Variants in ARHGAP40 observed in about 807,000 individuals in gnomAD.
The protein encoded by ARHGAP40 is rho GTPase-activating protein 40.
ARHGAP40 carries 43 observed loss-of-function variants against 73.5 expected under a neutral mutation model. The observed-to-expected ratio is 0.58, with a 90% CI of 0.46 to 0.75. The LOEUF is 0.75. Ranked by LOEUF, ARHGAP40 falls within the 30% of genes least tolerant of loss-of-function variation. The pLI is 0.00. For missense variants in ARHGAP40, 734 were observed against 861.8 expected, an observed-to-expected ratio of 0.85 and a Z score of 1.86; for synonymous variants, 300 against 352.8, an observed-to-expected ratio of 0.85 and a Z score of 1.68.
chr20:38,621,640 A>G (rs539486435), intron 1 of ARHGAP40, among the ~76,000 whole-genome samples: 5 of 152,222 alleles, frequency 3.3e-5, no homozygotes, highest in African/African-American at 1.2e-4. Context: ...AAGTGTTAGC[A>G]TGGAAAACGT....
intron 1 of ARHGAP40, among the ~76,000 whole-genome samples, chr20:38,617,126 G>A (rs1356546828): frequency 6.6e-6 from 1 of 152,248 alleles, no homozygotes; most frequent in East Asian, 1.9e-4. Context: ...GCCAGGCCAC[G>A]CTCCCTGCCC....
chr20:38,649,878 G>GCCTC, exon 15 of ARHGAP40: 1 of 1,278,220 alleles, frequency 7.8e-7, no homozygotes, highest in South Asian at 1.2e-5. Context: ...CAGCCTGGAT[G>GCCTC]CCTCCTCCTC....
At chr20:38,611,598 GA>G (rs2088805412) in intron 1 of ARHGAP40, among the ~76,000 whole-genome samples, 2 of 150,574 alleles carry the variant, frequency 1.3e-5, no homozygotes, top group African/African-American at 4.9e-5. Flanking sequence ...TTTTTTTTCA[GA>G]CGGAGTCTTG....
At chr20:38,638,688 G>A in intron 7 of ARHGAP40, 73 bp from the exon 8 acceptor site, 1 of 1,146,900 alleles carries the variant, frequency 8.7e-7, no homozygotes, top group Non-Finnish European at 1.2e-6. Flanking sequence ...ATTTTCATGG[G>A]AGACAAACAC....
At chr20:38,643,936 C>A in intron 11 of ARHGAP40, 26 bp downstream of exon 11, 2 of 1,272,528 alleles carry the variant, frequency 1.6e-6, no homozygotes, top group South Asian at 1.3e-5. Context: ...CGCTGGGTAT[C>A]CCTCTGGGTG....
intron 6 of ARHGAP40, among the ~76,000 whole-genome samples, chr20:38,635,033 C>A (rs2088965532): frequency 6.6e-6 from 1 of 152,060 alleles, no homozygotes; most frequent in Admixed American, 6.5e-5. Context: ...AGGTGCGCAC[C>A]ACCATGCCCA....
chr20:38,620,702 C>T (rs1320799637), intron 1 of ARHGAP40, among the ~76,000 whole-genome samples: 2 of 152,208 alleles, frequency 1.3e-5, no homozygotes, highest in Non-Finnish European at 2.9e-5. Context: ...GACTTGGTCT[C>T]CAGTGAAGCT....
intron 2 of ARHGAP40, among the ~76,000 whole-genome samples, chr20:38,623,809 G>A (rs1200664618): frequency 2.0e-5 from 3 of 152,284 alleles, no homozygotes; most frequent in Admixed American, 1.3e-4. Context: ...AGTCCTTCAG[G>A]AAATATTTTT....
chr20:38,636,173 G>A (rs2088973684), intron 6 of ARHGAP40, among the ~76,000 whole-genome samples: 1 of 152,152 alleles, frequency 6.6e-6, no homozygotes, highest in African/African-American at 2.4e-5. Context: ...GGCAGAGGGT[G>A]TGGATACAAA....
chr20:38,646,205 C>T lies in ARHGAP40; in HGVS notation c.1710+18C>T. ...TCGAGGCGGTGAGTGCCCCCGACCC[C>T]AGACAGGTGGAGAAGGGCCGAGGCG... On this transcript the variant is annotated intron_variant, in intron 12 of 14. Transcript: ENST00000373345. The surrounding 1 kb of genome is among the most constrained non-coding windows in gnomAD (Gnocchi z 4.5). The T allele has an allele frequency of 1.5e-6, 2 of 1,295,280 alleles. No individual in the cohort carries two copies. The highest frequency in any genetic ancestry group is 2.0e-6 in the Non-Finnish European group (2 of 983,260). The allele number at this position is 1,295,280 out of a possible 1,614,324, so 80.2% of individuals were successfully genotyped here.
chr20:38,638,655 C>G (rs920557556), intron 7 of ARHGAP40, 106 bp from the exon 8 acceptor site: 12 of 782,822 alleles, frequency 1.5e-5, no homozygotes, highest in African/African-American at 3.6e-5. Context: ...GGAAACCCTT[C>G]TCCTGGTACT....
chr20:38,616,531 G>A (rs140793521), intron 1 of ARHGAP40, among the ~76,000 whole-genome samples: 32 of 152,304 alleles, frequency 2.1e-4, no homozygotes, highest in Non-Finnish European at 4.1e-4. Context: ...AGGAAAGACC[G>A]TTGTACAAGC....
chr20:38,627,823 G>C (rs1472909023), intron 3 of ARHGAP40, among the ~76,000 whole-genome samples: 3 of 152,174 alleles, frequency 2.0e-5, no homozygotes, highest in Non-Finnish European at 4.4e-5. Flanking sequence ...TTGCCACTGT[G>C]TGTCCTTGGG....
chr20:38,623,422 T>A, exon 2 of ARHGAP40: 7 of 1,290,934 alleles, frequency 5.4e-6, no homozygotes, highest in Non-Finnish European at 7.1e-6. Flanking sequence ...GACTACACCC[T>A]GCTGGCTCTG....
intron 1 of ARHGAP40, among the ~76,000 whole-genome samples, chr20:38,610,633 C>T (rs949794618): frequency 1.3e-5 from 2 of 152,184 alleles, no homozygotes; most frequent in Non-Finnish European, 2.9e-5. Context: ...GAAGCCGGGG[C>T]TTACAGATTA....
chr20:38,605,974 C>T (rs1333910271), intron 1 of ARHGAP40, among the ~76,000 whole-genome samples: 4 of 152,128 alleles, frequency 2.6e-5, no homozygotes, highest in Non-Finnish European at 5.9e-5. Flanking sequence ...CAGCCTCAAC[C>T]TCCCAGGCTC....
intron 1 of ARHGAP40, chr20:38,614,838 G>A (rs1215136227): frequency 3.7e-6 from 3 of 806,246 alleles, no homozygotes; most frequent in South Asian, 3.1e-5. Context: ...TGTCTCTAGA[G>A]CTCCAGAACC....
chr20:38,645,910 C>G (rs1470446088), intron 11 of ARHGAP40, 137 bp from the exon 12 acceptor site: 4 of 806,894 alleles, frequency 5.0e-6, no homozygotes, highest in Non-Finnish European at 6.6e-6. Context: ...GCTTCCGTCC[C>G]GTGTCCAACA....
rs185498366 is a variant in ARHGAP40 at position 38,610,260 on chromosome 20, C to A, written c.137+8181C>A. ...CCCCCCACTGTGCCACCCCCCTACC[C>A]CAAACCAGCTAGGAAGATGTTATAG... On this transcript the variant is annotated intron_variant, in intron 1 of 14. Transcript: ENST00000373345. Among the ~76,000 whole-genome samples the A allele has an allele frequency of 4.0e-5, 6 of 151,852 alleles. No individual in the cohort carries two copies. The East Asian group carries it at 9.7e-4, about 24-fold the overall frequency.
Sources: allele counts gnomAD v4.1 joint callset (sites outside exome capture counted in the v4.1 genomes callset), GRCh38; gene constraint gnomAD v4.1.1; non-coding constraint Gnocchi (gnomAD v3.1); transcripts MANE v1.5; gene names NCBI Gene and HGNC (gene_info 2026-07-23, HGNC 2026-07-21).